Variants in ZNF407 observed in about 807,000 individuals in gnomAD.
The protein encoded by ZNF407 is zinc finger protein 407.
ZNF407 carries 17 observed loss-of-function variants against 131.2 expected under a neutral mutation model. The observed-to-expected ratio is 0.13, with a 90% CI of 0.09 to 0.19. ZNF407 has a LOEUF of 0.19. Among genes scored for constraint, ZNF407 ranks in the 10% least tolerant of loss-of-function variants. ZNF407 has a pLI of 1.00. For missense variants in ZNF407, 2,681 were observed against 2,830.6 expected, an observed-to-expected ratio of 0.95 and a Z score of 1.20; for synonymous variants, 1,156 against 1,062.0, an observed-to-expected ratio of 1.09 and a Z score of -1.72.
Position 74,777,751 on chromosome 18 carries a change from C to CTCTCAT in ZNF407, c.4803-3677_4803-3676insTCTCAT, listed in dbSNP as rs57785452. Among the ~76,000 whole-genome samples the CTCTCAT allele has an allele frequency of 9.2e-3, 1,384 of 150,570 alleles. 48 individuals are homozygous for CTCTCAT. The East Asian group carries it at 0.12, about 13-fold the overall frequency. On this transcript the variant is annotated intron_variant, in intron 3 of 8. Coordinates refer to ENST00000299687, the MANE Select transcript of ZNF407 (RefSeq NM_017757.3). The stretch of plus-strand genomic sequence containing the variant: ...TCGCACTCTCTCTCTCTCTCTCTCT[C>CTCTCAT]ATTCACTCAAAACAGAGCAGACAGG...
chr18:74,836,618 C>T (rs1970563251), intron 4 of ZNF407, among the ~76,000 whole-genome samples: 1 of 152,198 alleles, frequency 6.6e-6, no homozygotes, highest in South Asian at 2.1e-4. Context: ...TTCTAACCTT[C>T]CTCATTTTTT....
intron 3 of ZNF407, among the ~76,000 whole-genome samples, chr18:74,729,771 A>T (rs893054951): frequency 6.6e-6 from 1 of 152,176 alleles, no homozygotes; most frequent in Non-Finnish European, 1.5e-5. Flanking sequence ...CAGTATAAAT[A>T]TAAGGGGAAT....
chr18:74,781,592 T>C (rs1360481010), intron 4 of ZNF407, 90 bp downstream of exon 4: 1 of 916,774 alleles, frequency 1.1e-6, no homozygotes, highest in East Asian at 2.9e-5. Flanking sequence ...GACTTTTTTT[T>C]CACATCAGTT....
intron 1 of ZNF407, among the ~76,000 whole-genome samples, chr18:74,607,164 A>G (rs186641240): frequency 6.6e-6 from 1 of 152,326 alleles, no homozygotes; most frequent in Admixed American, 6.5e-5. Flanking sequence ...GGTGGTTCTC[A>G]ATCCTAATGT....
intron 1 of ZNF407, among the ~76,000 whole-genome samples, chr18:74,608,010 T>C (rs1043957371): frequency 2.6e-5 from 4 of 152,244 alleles, no homozygotes; most frequent in Admixed American, 1.3e-4. Flanking sequence ...ATTTTTATGT[T>C]AGAGTCAATA....
At chr18:74,722,142 T>C (rs1044164355) in intron 3 of ZNF407, among the ~76,000 whole-genome samples, 2 of 152,110 alleles carry the variant, frequency 1.3e-5, no homozygotes, top group Admixed American at 6.5e-5. Context: ...GTTGAACTTT[T>C]ATCTGTAGAT....
At chr18:74,755,555 T>TCTTC (rs1189691263) in intron 3 of ZNF407, among the ~76,000 whole-genome samples, 29 of 9,322 alleles carry the variant, frequency 3.1e-3, no homozygotes, top group Middle Eastern at 0.062. Context: ...CTCCCTTCCT[T>TCTTC]CTTCCTTCCT....
chr18:74,630,653 A>G (rs529462138), intron 1 of ZNF407, among the ~76,000 whole-genome samples: 2 of 150,900 alleles, frequency 1.3e-5, no homozygotes, highest in Non-Finnish European at 3.0e-5. Context: ...TTTTTTTTTT[A>G]AAAGGGTAGT....
intron 4 of ZNF407, among the ~76,000 whole-genome samples, chr18:74,876,008 A>C (rs1325837288): frequency 6.6e-6 from 1 of 152,192 alleles, no homozygotes; most frequent in Non-Finnish European, 1.5e-5. Context: ...GGTAATTCAC[A>C]TTTGCCTCAA....
intron 8 of ZNF407, among the ~76,000 whole-genome samples, chr18:74,986,787 G>T (rs934743865): frequency 6.6e-6 from 1 of 152,238 alleles, no homozygotes. Flanking sequence ...ATGAGTATGT[G>T]AATGAAGAAT....
chr18:75,045,856 G>A (rs79683588), intron 8 of ZNF407, among the ~76,000 whole-genome samples: 1 of 152,128 alleles, frequency 6.6e-6, no homozygotes, highest in Non-Finnish European at 1.5e-5. Context: ...ATACTCTTAA[G>A]CAGAAGGATC....
chr18:74,798,650 T>G (rs1969965993), intron 4 of ZNF407, among the ~76,000 whole-genome samples: 1 of 152,184 alleles, frequency 6.6e-6, no homozygotes, highest in Non-Finnish European at 1.5e-5. Context: ...TCTTTCAGTT[T>G]TGTTTTAGGG....
At chr18:75,047,065 T>C (rs1973443732) in intron 8 of ZNF407, among the ~76,000 whole-genome samples, 1 of 152,236 alleles carries the variant, frequency 6.6e-6, no homozygotes, top group Non-Finnish European at 1.5e-5. Flanking sequence ...TGTTTATTTA[T>C]ATACATCTTA....
At chr18:74,937,092 G>T (rs1972047581) in intron 8 of ZNF407, among the ~76,000 whole-genome samples, 1 of 152,138 alleles carries the variant, frequency 6.6e-6, no homozygotes, top group East Asian at 1.9e-4. Flanking sequence ...AAAGTGAAAG[G>T]TGCTTTAGGA....
Position 75,064,465 on chromosome 18 carries a change from A to G in ZNF407, c.6744A>G (p.Ala2248=), listed in dbSNP as rs1490061893. 34 of 1,481,210 alleles carry G rather than the reference A, an allele frequency of 2.3e-5. No individual in the cohort carries two copies. The highest frequency in any genetic ancestry group is 6.8e-5 in the South Asian group (5 of 73,684). 91.8% of individuals were successfully genotyped at this position (1,481,210 alleles called of 1,614,324 possible). ...GAGAAAGCAGCGAACTCCAGGAAGC[A>G]TGAGACGCGCGGCACCTTTACTCAG... ...SQRESSELQE[A] Residue 2248 remains alanine (A), a synonymous_variant, in exon 9 of 9, where the codon GCA becomes GCG. Coordinates refer to ENST00000299687, the MANE Select transcript of ZNF407 (RefSeq NM_017757.3).
intron 8 of ZNF407, among the ~76,000 whole-genome samples, chr18:75,007,486 T>C (rs1239486950): frequency 6.6e-6 from 1 of 152,206 alleles, no homozygotes; most frequent in Non-Finnish European, 1.5e-5. Context: ...CCACAACTCC[T>C]GGACATTCTC....
chr18:75,000,602 C>CA (rs1972833555), intron 8 of ZNF407, among the ~76,000 whole-genome samples: 1 of 152,044 alleles, frequency 6.6e-6, no homozygotes, highest in African/African-American at 2.4e-5. Flanking sequence ...ATGGCTAAAG[C>CA]AATAACTATG....
At chr18:74,797,487 T>A (rs1969941773) in intron 4 of ZNF407, among the ~76,000 whole-genome samples, 1 of 152,220 alleles carries the variant, frequency 6.6e-6, no homozygotes, top group Admixed American at 6.5e-5. Context: ...AGAATGAAAC[T>A]GAATCTGAAA....
chr18:74,765,624 T>C (rs1215459120), intron 3 of ZNF407, among the ~76,000 whole-genome samples: 1 of 152,170 alleles, frequency 6.6e-6, no homozygotes, highest in Admixed American at 6.5e-5. Context: ...TTTGTCGTGC[T>C]CTCATGTAGC....
Sources: gnomAD v4.1 joint callset for allele counts (sites outside exome capture counted in the v4.1 genomes callset) on GRCh38, gnomAD v4.1.1 for gene constraint, MANE v1.5 for transcripts, NCBI Gene and HGNC (gene_info 2026-07-23, HGNC 2026-07-21) for gene names.